CAPN2: variants seen among roughly 807,000 people sequenced by gnomAD.
The protein encoded by CAPN2 is calpain 2, also known as calpain-2 catalytic subunit.
A neutral mutation model predicts 102.3 loss-of-function variants in CAPN2; 92 were observed. That is an observed-to-expected ratio of 0.90 (90% CI 0.76 to 1.07). The LOEUF (loss-of-function observed/expected upper bound fraction) is 1.07, where lower values mean the gene tolerates loss of function less well. Among genes scored for constraint, CAPN2 ranks in the 50% least tolerant of loss-of-function variants. The probability of loss-of-function intolerance (pLI) is 0.00; values close to 1 mark genes in which losing one functional copy is unlikely to be tolerated. For synonymous variants in CAPN2, 340 were observed against 355.4 expected, an observed-to-expected ratio of 0.96 and a Z score of 0.49; for missense variants, 800 against 909.4, an observed-to-expected ratio of 0.88 and a Z score of 1.55.
Position 223,759,419 on chromosome 1 carries a change from C to G in CAPN2, c.1467C>G (p.Phe489Leu). Residue 489 changes from phenylalanine (F) to leucine (L), a missense_variant, in exon 12 of 21, where the codon TTC becomes TTG. By Grantham distance (22) the Phe-to-Leu change is conservative. Coordinates refer to ENST00000295006, the MANE Select transcript of CAPN2 (RefSeq NM_001748.5). The surrounding 1 kb of genome is among the most constrained non-coding windows in gnomAD (Gnocchi z 4.6). ...PGEYILVPST[F>L]EPNKDGDFCI... ...AGTACATTCTCGTGCCTTCCACCTT[C>G]GAACCCAACAAGGATGGGGATTTCT... 6.2e-7 allele frequency: 1 copy of G among 1,614,176 alleles called. No individual in the cohort carries two copies.
intron 16 of CAPN2, among the ~76,000 whole-genome samples, chr1:223,768,033 G>A (rs1661380538): frequency 6.6e-6 from 1 of 150,788 alleles, no homozygotes; most frequent in South Asian, 2.1e-4. Context: ...TTTTTGATGG[G>A]GTTGTTTGTT....
chr1:223,737,719 G>GA (rs1380010653), intron 2 of CAPN2, among the ~76,000 whole-genome samples: 1 of 83,850 alleles, frequency 1.2e-5, no homozygotes, highest in African/African-American at 4.1e-5. Context: ...GGGGGTGGGG[G>GA]GGAGAGAATA....
intron 4 of CAPN2, among the ~76,000 whole-genome samples, chr1:223,746,371 A>G (rs1004655900): frequency 3.3e-5 from 5 of 151,710 alleles, no homozygotes; most frequent in African/African-American, 1.2e-4. Flanking sequence ...CAAACGACCC[A>G]TTAGTAGACC....
At chr1:223,719,946 A>G (rs1660007134) in intron 2 of CAPN2, among the ~76,000 whole-genome samples, 1 of 152,198 alleles carries the variant, frequency 6.6e-6, no homozygotes, top group Non-Finnish European at 1.5e-5. Flanking sequence ...TCTCACCCTG[A>G]TTCTGGCACC....
intron 16 of CAPN2, 62 bp downstream of exon 16, chr1:223,766,493 G>T: frequency 7.9e-7 from 1 of 1,269,316 alleles, no homozygotes; most frequent in South Asian, 1.2e-5. Flanking sequence ...ACTCCAGAAA[G>T]ATTCAAACAC....
rs917754497 is a variant in CAPN2, at chr1:223,725,136, C to T, written c.307+7305C>T. On this transcript the variant is annotated intron_variant, in intron 2 of 20. Coordinates refer to ENST00000295006, the MANE Select transcript of CAPN2 (RefSeq NM_001748.5). This position sits in a 1 kb window ranked among gnomAD's most constrained non-coding sequence, Gnocchi z 4.1. Reference sequence around the variant, plus strand: ...CTCTTCACACCTCAGTTTCCTCATCCGTGAAATGAAGATAATAATAGTGCC... The same window carrying T: ...CTCTTCACACCTCAGTTTCCTCATCTGTGAAATGAAGATAATAATAGTGCC... Among the ~76,000 whole-genome samples, 4 of 152,122 alleles carry T rather than the reference C, an allele frequency of 2.6e-5. No homozygotes were observed. Among genetic ancestry groups the T allele is most frequent in the African/African-American group, 9.7e-5 (4 of 41,408 alleles).
upstream of CAPN2, among the ~76,000 whole-genome samples, chr1:223,710,762 C>A (rs1210078167): frequency 6.6e-6 from 1 of 152,166 alleles, no homozygotes; most frequent in Non-Finnish European, 1.5e-5. Flanking sequence ...AACCAATTGT[C>A]AACCAGAAAA....
At position 223,756,621 on chromosome 1, in the gene CAPN2, C is replaced by T. The variant is rs1174288496; in HGVS notation, c.1306-748C>T. On this transcript the variant is annotated intron_variant, in intron 10 of 20. Transcript: ENST00000295006. The surrounding 1 kb of genome is among the most constrained non-coding windows in gnomAD (Gnocchi z 4.1). The stretch of plus-strand genomic sequence containing the variant: ...AGACGAGGTGTCAGGAGAGGAGGCT[C>T]TGTGCTCACCACTGGCAACGTTGCC... Among the ~76,000 whole-genome samples, 1 of 152,178 alleles carries T rather than the reference C, an allele frequency of 6.6e-6. No individual in the cohort carries two copies. Among genetic ancestry groups the T allele is most frequent in the Non-Finnish European group, 1.5e-5 (1 of 68,022 alleles).
Position 223,725,218 on chromosome 1 carries a change from T to C in CAPN2, c.307+7387T>C, listed in dbSNP as rs2102780838. On this transcript the variant is annotated intron_variant, in intron 2 of 20. Transcript: ENST00000295006. The surrounding 1 kb of genome is among the most constrained non-coding windows in gnomAD (Gnocchi z 4.1). Reference sequence around the variant, plus strand: ...AAAACCCATCTCTACAAAACTACAATATGAAATACAAACAATTAGCCGGGC... The same window carrying C: ...AAAACCCATCTCTACAAAACTACAACATGAAATACAAACAATTAGCCGGGC... 6.6e-6 allele frequency among the ~76,000 whole-genome samples: 1 copy of C among 151,866 alleles called. No individual in the cohort carries two copies. Among genetic ancestry groups the C allele is most frequent in the South Asian group, 2.1e-4 (1 of 4,800 alleles).
At chr1:223,770,826 G>C in intron 18 of CAPN2, 1 of 236,810 alleles carries the variant, frequency 4.2e-6, no homozygotes, top group Non-Finnish European at 8.2e-6. Flanking sequence ...TCTGGTGCAG[G>C]GTTGGTTAGG....
chr1:223,727,459 G>T lies in CAPN2; in HGVS notation c.307+9628G>T, dbSNP rs1356984697. Among the ~76,000 whole-genome samples, 1 of 152,114 alleles carries T rather than the reference G, an allele frequency of 6.6e-6. No individual in the cohort carries two copies. The highest frequency in any genetic ancestry group is 1.5e-5 in the Non-Finnish European group (1 of 68,022). On this transcript the variant is annotated intron_variant, in intron 2 of 20. Transcript: ENST00000295006. This position sits in a 1 kb window ranked among gnomAD's most constrained non-coding sequence, Gnocchi z 4.1. ...CCTGGGGGCTTGGCGGAGTTGGGGG[G>T]TGCATGGAATGCCCCCAGTTGAGAA...
chr1:223,719,030 G>A (rs566039954), intron 2 of CAPN2, among the ~76,000 whole-genome samples: 4 of 152,272 alleles, frequency 2.6e-5, no homozygotes, highest in South Asian at 2.1e-4. Flanking sequence ...TGAGCTGGGC[G>A]GGAAAGTTTG....
intron 20 of CAPN2, among the ~76,000 whole-genome samples, chr1:223,773,563 C>T (rs12138030): frequency 0.01 from 1,598 of 152,276 alleles, 13 homozygotes; most frequent in Non-Finnish European, 0.017. Context: ...CGTGGTGACA[C>T]ATGCCTGTTA....
At chr1:223,723,927 G>T (rs1394710928) in intron 2 of CAPN2, among the ~76,000 whole-genome samples, 1 of 151,666 alleles carries the variant, frequency 6.6e-6, no homozygotes, top group African/African-American at 2.4e-5. Flanking sequence ...CAGGGCTCCA[G>T]CCTGCTCCCC....
chr1:223,712,895 G>C lies in CAPN2; in HGVS notation c.237+18G>C. 3 of 1,497,206 alleles carry C rather than the reference G, an allele frequency of 2.0e-6. No homozygotes were observed. The highest frequency in any genetic ancestry group is 2.7e-6 in the Non-Finnish European group (3 of 1,121,436). 92.7% of individuals were successfully genotyped at this position (1,497,206 alleles called of 1,614,324 possible). ...GCCCCACGGTAGGAAGCGCGCGGCA[G>C]GACGCGGGCAGGGCGGGGTGCCGGG... On this transcript the variant is annotated intron_variant, in intron 1 of 20. Coordinates refer to ENST00000295006, the MANE Select transcript of CAPN2 (RefSeq NM_001748.5).
intron 13 of CAPN2, among the ~76,000 whole-genome samples, chr1:223,761,895 A>G (rs1430167272): frequency 2.0e-5 from 3 of 152,250 alleles, no homozygotes; most frequent in Non-Finnish European, 4.4e-5. Flanking sequence ...CCACTAGAAT[A>G]GATCCTAAAA....
intron 9 of CAPN2, among the ~76,000 whole-genome samples, chr1:223,753,988 T>C (rs2102804870): frequency 6.6e-6 from 1 of 152,278 alleles, no homozygotes; most frequent in African/African-American, 2.4e-5. Context: ...TATCTAACCT[T>C]CCCAACAAAC....
rs778472014 is a variant in CAPN2, at chr1:223,725,166, A to G, written c.307+7335A>G. Among the ~76,000 whole-genome samples the G allele has an allele frequency of 6.6e-6, 1 of 152,174 alleles. No homozygotes were observed. The highest frequency in any genetic ancestry group is 1.5e-5 in the Non-Finnish European group (1 of 68,028). On this transcript the variant is annotated intron_variant, in intron 2 of 20. Transcript: ENST00000295006. This position sits in a 1 kb window ranked among gnomAD's most constrained non-coding sequence, Gnocchi z 4.1. The stretch of plus-strand genomic sequence containing the variant: ...AATGAAGATAATAATAGTGCCTACT[A>G]TCAAGACCATCCTGGCTAACACGGT...
At position 223,754,274 on chromosome 1, in the gene CAPN2, C is replaced by T. The variant is rs968042167; in HGVS notation, c.1136-1206C>T. 3.3e-5 allele frequency among the ~76,000 whole-genome samples: 5 copies of T among 152,242 alleles called. No individual in the cohort carries two copies. The highest frequency in any genetic ancestry group is 1.2e-4 in the African/African-American group (5 of 41,468). On this transcript the variant is annotated intron_variant, in intron 9 of 20. Coordinates refer to ENST00000295006, the MANE Select transcript of CAPN2 (RefSeq NM_001748.5). This position sits in a 1 kb window ranked among gnomAD's most constrained non-coding sequence, Gnocchi z 4.7. The stretch of plus-strand genomic sequence containing the variant: ...CTGGCCTACAGTTCTGGGGCTCGGA[C>T]TCCTTCACCTCAAGTATGCAGCCAC...
Sources: gnomAD v4.1 joint callset for allele counts (sites outside exome capture counted in the v4.1 genomes callset) on GRCh38, gnomAD v4.1.1 for gene constraint, Gnocchi (gnomAD v3.1) non-coding constraint, MANE v1.5 for transcripts, NCBI Gene and HGNC (gene_info 2026-07-23, HGNC 2026-07-21) for gene names.